Variants in ECD observed in about 807,000 individuals in gnomAD.
ECD encodes protein ecdysoneless homolog.
Under a neutral mutation model 77.2 loss-of-function variants are expected in ECD, and 59 were observed. That is an observed-to-expected ratio of 0.76 (90% confidence interval 0.62 to 0.95). ECD has a LOEUF of 0.95. Among genes scored for constraint, ECD ranks in the 40% least tolerant of loss-of-function variants. The pLI is 0.00. For synonymous variants in ECD, 233 were observed against 267.4 expected (o/e 0.87, Z 1.26); for missense variants, 704 against 763.4 (o/e 0.92, Z 0.92).
At chr10:73,163,424 T>G (rs1281848405) in intron 2 of ECD, among the ~76,000 whole-genome samples, 6 of 152,210 alleles carry the variant, frequency 3.9e-5, no homozygotes, top group African/African-American at 7.2e-5. Context: ...TGCCTGAAAC[T>G]ATTTAGTATA....
chr10:73,154,303 A>C lies in ECD; in HGVS notation c.736T>G (p.Cys246Gly). ...YLRDPIDLRA[C>G]RVFKTFLPET... Reference sequence around the variant, plus strand: ...GGCAAGAATGTCTTGAAAACACGACAAGCTCGCAGGTCAATAGGGTCTCGT... The same window carrying C: ...GGCAAGAATGTCTTGAAAACACGACCAGCTCGCAGGTCAATAGGGTCTCGT... Residue 246 changes from cysteine to glycine, a missense_variant, in exon 6 of 14, where the codon TGT becomes GGT. Transcript: ENST00000372979. The C allele has an allele frequency of 6.2e-7, 1 of 1,612,692 alleles. No individual in the cohort carries two copies. The highest frequency in any genetic ancestry group is 8.5e-7 in the Non-Finnish European group (1 of 1,179,546).
rs1482794920 is a variant in ECD, at chr10:73,167,878, T to G, written c.-26A>C. 1 of 182,824 alleles carries G rather than the reference T, an allele frequency of 5.5e-6. No homozygotes were observed. The highest frequency in any genetic ancestry group is 2.4e-5 in the African/African-American group (1 of 41,734). 11.3% of individuals were successfully genotyped at this position (182,824 alleles called of 1,614,324 possible). ...CAATTTCTCTTACGGTTCTAGGGCC[T>G]CTCCTTCGCGTCTCTGCTGTGGCAC... On this transcript the variant is annotated 5_prime_UTR_variant, in exon 1 of 14. Coordinates refer to ENST00000372979, the MANE Select transcript of ECD (RefSeq NM_007265.3).
chr10:73,134,089 C>G lies in ECD; in HGVS notation c.*494G>C, dbSNP rs554859380. 1 of 154,302 alleles carries G rather than the reference C, an allele frequency of 6.5e-6. No individual in the cohort carries two copies. Among genetic ancestry groups the G allele is most frequent in the Non-Finnish European group, 1.4e-5 (1 of 69,426 alleles). The allele number at this position is 154,302 out of a possible 1,614,324, so 9.6% of individuals were successfully genotyped here. On this transcript the variant is annotated 3_prime_UTR_variant, in exon 14 of 14. Transcript: ENST00000372979. ...GCTGTTATTTACAAGTAAATAAGTTCTATATCTTGCTTCAGGTACATACAT... is the reference window on the plus strand; with the variant it reads ...GCTGTTATTTACAAGTAAATAAGTTGTATATCTTGCTTCAGGTACATACAT...
At position 73,136,878 on chromosome 10, in the gene ECD, A is replaced by G. The variant is rs1679663375; in HGVS notation, c.1530T>C (p.Asp510=). 1 of 1,613,996 alleles carries G rather than the reference A, an allele frequency of 6.2e-7. No homozygotes were observed. Among genetic ancestry groups the G allele is most frequent in the Non-Finnish European group, 8.5e-7 (1 of 1,179,984 alleles). Reference sequence around the variant, plus strand: ...CACTATCTAAACATTCAAAGTCTTCATCATCCAGATCATCAGAATCTGACT... The same window carrying G: ...CACTATCTAAACATTCAAAGTCTTCGTCATCCAGATCATCAGAATCTGACT... ...PNESDSDDLD[D]EDFECLDSDD... The change falls in exon 13 of 14, where the codon GAT becomes GAC. Residue 510 remains aspartate (D), a synonymous_variant. Coordinates refer to ENST00000372979, the MANE Select transcript of ECD (RefSeq NM_007265.3).
intron 7 of ECD, among the ~76,000 whole-genome samples, 163 bp downstream of exon 7, chr10:73,152,130 C>T (rs1034297626): frequency 1.3e-5 from 2 of 152,200 alleles, no homozygotes; most frequent in African/African-American, 4.8e-5. Flanking sequence ...CCCATCATCA[C>T]TTACTAAGTA....
At chr10:73,147,532 A>G (rs1843145764) in intron 8 of ECD, among the ~76,000 whole-genome samples, 1 of 152,080 alleles carries the variant, frequency 6.6e-6, no homozygotes, top group Non-Finnish European at 1.5e-5. Flanking sequence ...CCTAGGCGAC[A>G]AGAGCAAAAC....
chr10:73,144,048 A>G (rs1843093540), intron 9 of ECD, among the ~76,000 whole-genome samples: 1 of 152,084 alleles, frequency 6.6e-6, no homozygotes, highest in African/African-American at 2.4e-5. Context: ...TAAATGTCCT[A>G]TGAAGTGCAA....
intron 3 of ECD, among the ~76,000 whole-genome samples, chr10:73,157,151 G>C (rs1000118910): frequency 6.6e-6 from 1 of 151,588 alleles, no homozygotes; most frequent in African/African-American, 2.4e-5. Context: ...TTGTTTTCAG[G>C]CAATTATCCT....
At chr10:73,162,254 A>G (rs1371870327) in intron 2 of ECD, among the ~76,000 whole-genome samples, 3 of 152,312 alleles carry the variant, frequency 2.0e-5, no homozygotes, top group East Asian at 1.9e-4. Context: ...ATGTAGAGAT[A>G]AAGAGGGTCT....
At chr10:73,143,923 C>T (rs1038982663) in intron 9 of ECD, among the ~76,000 whole-genome samples, 1 of 149,500 alleles carries the variant, frequency 6.7e-6, no homozygotes, top group Non-Finnish European at 1.5e-5. Flanking sequence ...CAACCAGGGA[C>T]GATTTTGCCG....
chr10:73,134,775 C>T lies in ECD; in HGVS notation c.1743G>A (p.Glu581=). 7 of 1,614,156 alleles carry T rather than the reference C, an allele frequency of 4.3e-6. No homozygotes were observed. The highest frequency in any genetic ancestry group is 5.9e-6 in the Non-Finnish European group (7 of 1,180,040). Residue 581 remains glutamate, a synonymous_variant, in exon 14 of 14, where the codon GAG becomes GAA. Coordinates refer to ENST00000372979, the MANE Select transcript of ECD (RefSeq NM_007265.3). ...CAGATTCTCCCGTACCAGAATCTTC[C>T]TCATCTGAATTGTTATCGGTAGTCT... ...VSQTTDNNSD[E]EDSGTGESVM...
At chr10:73,165,945 C>T (rs1451895403) in intron 1 of ECD, among the ~76,000 whole-genome samples, 2 of 152,120 alleles carry the variant, frequency 1.3e-5, no homozygotes, top group African/African-American at 4.8e-5. Flanking sequence ...TACCCTTTAA[C>T]CATACTCCCC....
In ECD at chr10:73,136,710, GT is replaced by G; in HGVS notation, c.1697del (p.Asn566ThrfsTer29). The G allele has an allele frequency of 6.2e-7, 1 of 1,613,542 alleles. No individual in the cohort carries two copies. The highest frequency in any genetic ancestry group is 8.5e-7 in the Non-Finnish European group (1 of 1,179,690). On this transcript the variant is annotated frameshift_variant, in exon 13 of 14. Transcript: ENST00000372979. LOFTEE classifies it high-confidence loss of function. ...TCISKSFTTRNQVEPVSQTTD... is the reference protein window; with the variant it reads ...TCISKSFTTRXQVEPVSQTTD... ...AGGTTAAAAACACACATACCACTTG[GT>G]TCCTAGTGGTGAAACTTTTGCTGAT... is the stretch of plus-strand genomic sequence containing the variant.
intron 1 of ECD, among the ~76,000 whole-genome samples, chr10:73,165,349 T>C (rs1257460901): frequency 6.6e-6 from 1 of 151,962 alleles, no homozygotes; most frequent in African/African-American, 2.4e-5. Context: ...TTTTCTTTTC[T>C]TTTTCTTTTC....
rs139334688 is a variant in ECD, at chr10:73,146,172, C to T, written c.1127+104G>A. ...CAGCCTGGGTGACAGAGTGAGACTCCGTCTCAAAAAAATAAATAAATAAGA... is the reference window on the plus strand; with the variant it reads ...CAGCCTGGGTGACAGAGTGAGACTCTGTCTCAAAAAAATAAATAAATAAGA... On this transcript the variant is annotated intron_variant, in intron 9 of 13. Coordinates refer to ENST00000372979, the MANE Select transcript of ECD (RefSeq NM_007265.3). 3,521 of 487,266 alleles carry T rather than the reference C, an allele frequency of 7.2e-3. 103 individuals are homozygous for T. The highest frequency in any genetic ancestry group is 0.07 in the African/African-American group (3,296 of 47,366). 30.2% of individuals were successfully genotyped at this position (487,266 alleles called of 1,614,324 possible). A position where few individuals can be genotyped will look rare whatever the true frequency, so the allele number is the denominator to read the frequency against.
chr10:73,153,626 G>A (rs921382492), intron 6 of ECD, among the ~76,000 whole-genome samples: 2 of 150,396 alleles, frequency 1.3e-5, no homozygotes, highest in East Asian at 3.9e-4. Context: ...CAGCTACTCG[G>A]GAGGCAGGAG....
intron 1 of ECD, among the ~76,000 whole-genome samples, chr10:73,166,235 C>T (rs1306214554): frequency 6.6e-6 from 1 of 151,994 alleles, no homozygotes; most frequent in Non-Finnish European, 1.5e-5. Context: ...TTGATGGACA[C>T]TTAGGTTGCT....
chr10:73,164,068 G>T, intron 1 of ECD, 118 bp from the exon 2 acceptor site: 2 of 794,978 alleles, frequency 2.5e-6, no homozygotes, highest in Non-Finnish European at 3.9e-6. Context: ...GGGCACAGTG[G>T]TTCATGCATG....
chr10:73,160,419 A>G lies in ECD; in HGVS notation c.323+15T>C. ...TAATAGAATTCCTTTAGAATAATTAAAATAACTACAATACCTTGCTACTAA... is the reference window on the plus strand; with the variant it reads ...TAATAGAATTCCTTTAGAATAATTAGAATAACTACAATACCTTGCTACTAA... On this transcript the variant is annotated intron_variant, in intron 3 of 13. Coordinates refer to ENST00000372979, the MANE Select transcript of ECD (RefSeq NM_007265.3). 6.6e-7 allele frequency: 1 copy of G among 1,520,202 alleles called. No individual in the cohort carries two copies. The highest frequency in any genetic ancestry group is 8.9e-7 in the Non-Finnish European group (1 of 1,126,500). 94.2% of individuals were successfully genotyped at this position (1,520,202 alleles called of 1,614,324 possible).
Sources: allele counts gnomAD v4.1 joint callset (sites outside exome capture counted in the v4.1 genomes callset), GRCh38; gene constraint gnomAD v4.1.1; transcripts MANE v1.5; gene names NCBI Gene and HGNC (gene_info 2026-07-23, HGNC 2026-07-21).